The following CNTNAP2 variants were observed in gnomAD, a reference collection of about 807,000 sequenced individuals.
CNTNAP2 encodes the protein contactin-associated protein-like 2.
Under a neutral mutation model 155.2 loss-of-function variants are expected in CNTNAP2, and 98 were observed. That is an observed-to-expected ratio of 0.63 (90% CI 0.54 to 0.75). CNTNAP2 has a LOEUF of 0.75. Ranked by LOEUF, CNTNAP2 falls within the 30% of genes least tolerant of loss-of-function variation. The pLI, the probability that CNTNAP2 is intolerant of heterozygous loss-of-function variation, is 0.00. For missense variants in CNTNAP2, 1,727 were observed against 1,688.1 expected (o/e 1.02, Z -0.40); for synonymous variants, 651 against 631.2 (o/e 1.03, Z -0.47).
Position 146,335,162 on chromosome 7 carries a change from C to G in CNTNAP2, c.97+218189C>G, listed in dbSNP as rs561085756. 2.1e-3 allele frequency among the ~76,000 whole-genome samples: 327 copies of G among 152,314 alleles called. 2 individuals carry two copies. Among genetic ancestry groups the G allele is most frequent in the African/African-American group, 7.3e-3 (304 of 41,568 alleles). ...GATTTCCACTGACTATGCTGGTCTA[C>G]CCTGTTCTGAACTTCACATCAAAAC... is the stretch of plus-strand genomic sequence containing the variant. On this transcript the variant is annotated intron_variant, in intron 1 of 23. Coordinates refer to ENST00000361727, the MANE Select transcript of CNTNAP2 (RefSeq NM_014141.6).
chr7:146,429,232 T>C (rs1290248495), intron 1 of CNTNAP2, among the ~76,000 whole-genome samples: 1 of 148,734 alleles, frequency 6.7e-6, no homozygotes, highest in Non-Finnish European at 1.5e-5. Context: ...TGGCACCATA[T>C]GAATTTTAAA....
At chr7:147,194,778 T>A (rs1802750519) in intron 8 of CNTNAP2, among the ~76,000 whole-genome samples, 1 of 152,208 alleles carries the variant, frequency 6.6e-6, no homozygotes, top group African/African-American at 2.4e-5. Flanking sequence ...GTTTGTTTTT[T>A]CTGGTAAATT....
chr7:146,513,536 T>C (rs1417697707), intron 1 of CNTNAP2, among the ~76,000 whole-genome samples: 2 of 149,986 alleles, frequency 1.3e-5, no homozygotes, highest in Non-Finnish European at 2.9e-5. Context: ...TTAACTTTGA[T>C]AACAAAGAAA....
At chr7:148,159,745 G>A (rs1303702121) in intron 17 of CNTNAP2, among the ~76,000 whole-genome samples, 3 of 152,170 alleles carry the variant, frequency 2.0e-5, no homozygotes. Flanking sequence ...ATCAGTTTCT[G>A]AGTATAAATT....
At chr7:147,910,414 G>A (rs1284599321) in intron 14 of CNTNAP2, among the ~76,000 whole-genome samples, 1 of 152,138 alleles carries the variant, frequency 6.6e-6, no homozygotes, top group Non-Finnish European at 1.5e-5. Context: ...GCTCCAGAGA[G>A]ATTAATTTCT....
At chr7:146,355,852 C>T (rs543424128) in intron 1 of CNTNAP2, among the ~76,000 whole-genome samples, 2 of 151,784 alleles carry the variant, frequency 1.3e-5, no homozygotes, top group African/African-American at 4.8e-5. Flanking sequence ...ACTTTTTTTC[C>T]ATTCTGTCAT....
intron 13 of CNTNAP2, among the ~76,000 whole-genome samples, chr7:147,875,619 A>G (rs2710120): frequency 0.53 from 80,636 of 151,966 alleles, 21,634 homozygotes; most frequent in African/African-American, 0.61. Context: ...ATGACCAGGC[A>G]CAATGGCTCA....
intron 2 of CNTNAP2, among the ~76,000 whole-genome samples, chr7:146,830,950 C>T (rs6464774): frequency 0.46 from 69,492 of 152,086 alleles, 20,890 homozygotes; most frequent in African/African-American, 0.86. Flanking sequence ...ATTTTTTAAT[C>T]TACCTAAAAC....
At chr7:146,655,413 C>CAAAAA (rs66710703) in intron 1 of CNTNAP2, among the ~76,000 whole-genome samples, 140 of 74,128 alleles carry the variant, frequency 1.9e-3, no homozygotes, top group African/African-American at 3.6e-3. Context: ...GACTCTGTCT[C>CAAAAA]AAAAAAAAAA....
At chr7:146,383,014 C>G (rs886254829) in intron 1 of CNTNAP2, among the ~76,000 whole-genome samples, 3 of 152,000 alleles carry the variant, frequency 2.0e-5, no homozygotes, top group African/African-American at 7.2e-5. Context: ...CTCTTTCAAC[C>G]TTTTGAAATA....
chr7:147,081,340 G>C (rs532705895), intron 4 of CNTNAP2: 5 of 151,618 alleles, frequency 3.3e-5, no homozygotes, highest in Non-Finnish European at 7.4e-5. Flanking sequence ...CTGCCAGCTT[G>C]TATTTTTGTC....
At chr7:147,270,298 T>G (rs1312918741) in intron 8 of CNTNAP2, among the ~76,000 whole-genome samples, 4 of 147,822 alleles carry the variant, frequency 2.7e-5, no homozygotes, top group Admixed American at 1.3e-4. Flanking sequence ...ATACTCAGTA[T>G]GTATTTGTAT....
chr7:147,976,417 G>C (rs1801426649), intron 14 of CNTNAP2, among the ~76,000 whole-genome samples: 1 of 149,032 alleles, frequency 6.7e-6, no homozygotes, highest in Non-Finnish European at 1.5e-5. Flanking sequence ...AATAAAAGAG[G>C]GTGGGTTTGT....
At chr7:148,020,797 C>G (rs1251158921) in intron 15 of CNTNAP2, among the ~76,000 whole-genome samples, 3 of 152,168 alleles carry the variant, frequency 2.0e-5, no homozygotes, top group African/African-American at 7.2e-5. Context: ...TTGTAACACA[C>G]AATGTGTTTG....
At chr7:147,540,997 G>A (rs941212565) in intron 11 of CNTNAP2, among the ~76,000 whole-genome samples, 3 of 152,178 alleles carry the variant, frequency 2.0e-5, no homozygotes, top group African/African-American at 7.2e-5. Flanking sequence ...GCAGAAAACT[G>A]CAATAACTTA....
intron 16 of CNTNAP2, among the ~76,000 whole-genome samples, chr7:148,118,901 C>T (rs1482908125): frequency 6.6e-6 from 1 of 152,204 alleles, no homozygotes; most frequent in Non-Finnish European, 1.5e-5. Flanking sequence ...CTCAGCTCAG[C>T]TGGCCTTGGA....
intron 3 of CNTNAP2, among the ~76,000 whole-genome samples, chr7:146,958,002 A>G (rs1190008896): frequency 2.6e-5 from 4 of 152,202 alleles, no homozygotes; most frequent in Non-Finnish European, 2.9e-5. Flanking sequence ...TGACCATTAG[A>G]ATCTAGCCAG....
chr7:147,238,709 T>C (rs1803871296), intron 8 of CNTNAP2, among the ~76,000 whole-genome samples: 2 of 152,234 alleles, frequency 1.3e-5, no homozygotes, highest in African/African-American at 4.8e-5. Context: ...TTTCTTCATT[T>C]AGATGTATTT....
At chr7:147,555,342 T>G (rs934070713) in intron 11 of CNTNAP2, among the ~76,000 whole-genome samples, 3 of 152,238 alleles carry the variant, frequency 2.0e-5, no homozygotes, top group Admixed American at 6.5e-5. Context: ...AAAGGCTTCT[T>G]TATCCATTCA....
Sources: gnomAD v4.1 joint callset for allele counts (sites outside exome capture counted in the v4.1 genomes callset) on GRCh38, gnomAD v4.1.1 for gene constraint, MANE v1.5 for transcripts, NCBI Gene and HGNC (gene_info 2026-07-23, HGNC 2026-07-21) for gene names.